The following PRMT8 variants were observed in gnomAD, a reference collection of about 807,000 sequenced individuals.
PRMT8 encodes protein arginine methyltransferase 8.
Under a neutral mutation model 47.1 loss-of-function variants are expected in PRMT8, and 7 were observed. The ratio of observed to expected loss-of-function variants is 0.15; its 90% CI spans 0.08 to 0.28. PRMT8 has a LOEUF of 0.28. Ranked by LOEUF, PRMT8 falls within the 10% of genes least tolerant of loss-of-function variation. The pLI is 1.00. For missense variants in PRMT8, 237 were observed against 505.4 expected (o/e 0.47, Z 5.09); for synonymous variants, 188 against 186.5 (o/e 1.01, Z -0.07).
intron 4 of PRMT8, among the ~76,000 whole-genome samples, chr12:3,565,954 A>G (rs1280366327): frequency 6.6e-6 from 1 of 152,314 alleles, no homozygotes; most frequent in Non-Finnish European, 1.5e-5. Context: ...GGTAGAGGTC[A>G]TGAGGCCCCG....
intron 1 of PRMT8, among the ~76,000 whole-genome samples, chr12:3,398,379 G>A (rs780222912): frequency 6.6e-6 from 1 of 152,212 alleles, no homozygotes. Context: ...ATGGTGCTGT[G>A]TATGGGAGGC....
chr12:3,543,645 A>G (rs1866272609), intron 2 of PRMT8, among the ~76,000 whole-genome samples: 1 of 152,166 alleles, frequency 6.6e-6, no homozygotes, highest in African/African-American at 2.4e-5. Flanking sequence ...ACAGGGGACT[A>G]TTGGGGCTGG....
At chr12:3,384,459 T>TA (rs1199890938) in intron 1 of PRMT8, among the ~76,000 whole-genome samples, 1 of 152,202 alleles carries the variant, frequency 6.6e-6, no homozygotes, top group Non-Finnish European at 1.5e-5. Flanking sequence ...TTGATTAAAT[T>TA]AAAAGAAATG....
chr12:3,579,954 A>G (rs1176635082), intron 7 of PRMT8, among the ~76,000 whole-genome samples: 1 of 152,054 alleles, frequency 6.6e-6, no homozygotes, highest in Non-Finnish European at 1.5e-5. Context: ...CTGCTGCAGA[A>G]AAGAGGAAGC....
intron 1 of PRMT8, among the ~76,000 whole-genome samples, chr12:3,533,565 C>G (rs1565433377): frequency 6.6e-6 from 1 of 152,240 alleles, no homozygotes; most frequent in Non-Finnish European, 1.5e-5. Context: ...ACCCTCCTCC[C>G]CTTTGCCCCC....
At position 3,553,539 on chromosome 12, in the gene PRMT8, T is replaced by C. The variant is rs545598419; in HGVS notation, c.418-112T>C. The C allele has an allele frequency of 2.8e-5, 25 of 905,256 alleles. No individual in the cohort carries two copies. In the East Asian group the frequency reaches 4.8e-4, roughly 17 times the overall value. The allele number at this position is 905,256 out of a possible 1,614,324, so 56.1% of individuals were successfully genotyped here. A position where few individuals can be genotyped will look rare whatever the true frequency, so the allele number is the denominator to read the frequency against. ...CTGCCACAAAGTTGTGATGCAGCCG[T>C]GGGCAAGTCACCACCCCTGTCTGGG... On this transcript the variant is annotated intron_variant, in intron 3 of 9. Coordinates refer to ENST00000382622, the MANE Select transcript of PRMT8 (RefSeq NM_019854.5).
chr12:3,510,683 G>A (rs1444624612), intron 1 of PRMT8, among the ~76,000 whole-genome samples: 1 of 152,206 alleles, frequency 6.6e-6, no homozygotes, highest in Admixed American at 6.5e-5. Context: ...GCCAGCTCCA[G>A]TGGCTTTTCT....
intron 1 of PRMT8, among the ~76,000 whole-genome samples, chr12:3,411,888 A>G (rs1864434744): frequency 6.6e-6 from 1 of 152,326 alleles, no homozygotes; most frequent in Admixed American, 6.5e-5. Context: ...TTTATGAATG[A>G]CCCGGTCTCA....
chr12:3,445,740 G>A (rs1236141047), intron 1 of PRMT8, among the ~76,000 whole-genome samples: 1 of 152,204 alleles, frequency 6.6e-6, no homozygotes, highest in East Asian at 1.9e-4. Context: ...TTCTGAAAAG[G>A]AAATACTCTC....
At position 3,451,033 on chromosome 12, in the gene PRMT8, A is replaced by ACCCCCCCCCCCCCCCCCCCCC. The variant is rs71061115; in HGVS notation, c.48+69593_48+69613dup. ...TGAAAGCAGTTTTGATCTTGCTGAC[A>ACCCCCCCCCCCCCCCCCCCCC]CCCCCCCCCCCCCCCCCCCCCCGCC... On this transcript the variant is annotated intron_variant, in intron 1 of 9. Coordinates refer to the PRMT8 transcript ENST00000452611. Among the ~76,000 whole-genome samples the ACCCCCCCCCCCCCCCCCCCCC allele has an allele frequency of 7.7e-5, 2 of 26,088 alleles. 1 individual carries two copies. Among genetic ancestry groups the ACCCCCCCCCCCCCCCCCCCCC allele is most frequent in the Non-Finnish European group, 1.3e-4 (2 of 15,062 alleles). The allele number at this position is 26,088 out of a possible 152,430, so 17.1% of individuals were successfully genotyped here.
chr12:3,457,689 G>A lies in PRMT8; in HGVS notation c.48+76247G>A, dbSNP rs185263958. On this transcript the variant is annotated intron_variant, in intron 1 of 9. Coordinates refer to the PRMT8 transcript ENST00000452611. ...AAAAACATTTTTTAAATATAGTTTC[G>A]AACCACACATAGTTGAAAATTTGGA... Among the ~76,000 whole-genome samples, 40 of 152,014 alleles carry A rather than the reference G, an allele frequency of 2.6e-4. 1 individual carries two copies. The highest frequency in any genetic ancestry group is 7.7e-4 in the East Asian group (4 of 5,170).
chr12:3,470,126 T>A (rs1865144126), intron 1 of PRMT8, among the ~76,000 whole-genome samples: 1 of 152,076 alleles, frequency 6.6e-6, no homozygotes, highest in Admixed American at 6.5e-5. Context: ...TAAAAAAAAA[T>A]TTCAAAATTG....
intron 2 of PRMT8, among the ~76,000 whole-genome samples, chr12:3,541,071 C>T (rs922057362): frequency 3.3e-5 from 5 of 152,186 alleles, no homozygotes; most frequent in African/African-American, 9.7e-5. Context: ...TTCCAGCTCC[C>T]GTGTCTCTCC....
rs568882001 is a variant in PRMT8 at position 3,584,380 on chromosome 12, G to C, written c.979+1172G>C. On this transcript the variant is annotated intron_variant, in intron 8 of 9. Coordinates refer to ENST00000382622, the MANE Select transcript of PRMT8 (RefSeq NM_019854.5). Reference sequence around the variant, plus strand: ...TTAGGACTTCAACATGAATTTGGAGGGGGGGACAATTCAGGTGGTAACACC... The same window carrying C: ...TTAGGACTTCAACATGAATTTGGAGCGGGGGACAATTCAGGTGGTAACACC... 5.0e-4 allele frequency among the ~76,000 whole-genome samples: 76 copies of C among 152,232 alleles called. 1 individual carries two copies. The highest frequency in any genetic ancestry group is 1.1e-3 in the African/African-American group (47 of 41,550).
intron 1 of PRMT8, 117 bp from the exon 2 acceptor site, chr12:3,540,489 G>T (rs2137164287): frequency 1.4e-6 from 1 of 690,946 alleles, no homozygotes. Context: ...TTCAGGAAGG[G>T]CTGCTGTGGC....
At chr12:3,542,132 G>A (rs1866242928) in intron 2 of PRMT8, among the ~76,000 whole-genome samples, 1 of 152,222 alleles carries the variant, frequency 6.6e-6, no homozygotes, top group South Asian at 2.1e-4. Flanking sequence ...TGGAGGTAGA[G>A]GGTGGAAGGA....
At chr12:3,498,786 G>T (rs995081703) in intron 1 of PRMT8, among the ~76,000 whole-genome samples, 1 of 152,158 alleles carries the variant, frequency 6.6e-6, no homozygotes, top group Non-Finnish European at 1.5e-5. Context: ...TTCATCACCT[G>T]TATTACCCTC....
At chr12:3,438,303 C>T (rs1315423752) in intron 1 of PRMT8, among the ~76,000 whole-genome samples, 6 of 152,200 alleles carry the variant, frequency 3.9e-5, no homozygotes, top group Non-Finnish European at 7.3e-5. Context: ...ACCCTGCTGT[C>T]GCCCATGTGG....
chr12:3,416,845 C>T lies in PRMT8; in HGVS notation c.48+35403C>T, dbSNP rs1018418290. On this transcript the variant is annotated intron_variant, in intron 1 of 9. Transcript: ENST00000452611. ...TTAGAAACTGCCTGGATGGAGATTG[C>T]GCTGCTGCAGGCTTAAGTACATTTT... Among the ~76,000 whole-genome samples, 13 of 152,318 alleles carry T rather than the reference C, an allele frequency of 8.5e-5. No homozygotes were observed. The South Asian group carries it at 1.0e-3, about 12-fold the overall frequency.
Sources: gnomAD v4.1 joint callset for allele counts (sites outside exome capture counted in the v4.1 genomes callset) on GRCh38, gnomAD v4.1.1 for gene constraint, MANE v1.5 for transcripts, NCBI Gene and HGNC (gene_info 2026-07-23, HGNC 2026-07-21) for gene names.